The following NCALD variants were observed in gnomAD, a reference collection of about 807,000 sequenced individuals.
The protein encoded by NCALD is neurocalcin delta, also known as neurocalcin-delta.
In NCALD, 10 loss-of-function variants were observed where a neutral mutation model predicts 18.6. The observed-to-expected ratio is 0.54, with a 90% CI of 0.33 to 0.91. The LOEUF (loss-of-function observed/expected upper bound fraction) is 0.91, where lower values mean the gene tolerates loss of function less well. NCALD is among the 40% of genes least tolerant of loss of function. The probability of loss-of-function intolerance (pLI) is 0.03; values close to 1 mark genes in which losing one functional copy is unlikely to be tolerated. For synonymous variants in NCALD, 88 were observed against 87.4 expected, an observed-to-expected ratio of 1.01 and a Z score of -0.04; for missense variants, 184 against 247.6, an observed-to-expected ratio of 0.74 and a Z score of 1.72.
chr8:101,844,395 C>T (rs1814780721), intron 4 of NCALD, among the ~76,000 whole-genome samples: 1 of 149,910 alleles, frequency 6.7e-6, no homozygotes, highest in Non-Finnish European at 1.5e-5. Context: ...GGGTCTGGCT[C>T]TTTGATACAG....
intron 1 of NCALD, among the ~76,000 whole-genome samples, chr8:102,077,186 T>C (rs994278812): frequency 6.6e-6 from 1 of 152,166 alleles, no homozygotes; most frequent in Non-Finnish European, 1.5e-5. Flanking sequence ...TGGGATGCCT[T>C]AGCACTACTT....
chr8:101,886,521 G>A (rs1370275107), intron 4 of NCALD, among the ~76,000 whole-genome samples: 1 of 152,132 alleles, frequency 6.6e-6, no homozygotes, highest in African/African-American at 2.4e-5. Context: ...AAGTTTCCAA[G>A]AAATTCAGTA....
At chr8:101,766,881 G>A (rs1056988276) in intron 1 of NCALD, among the ~76,000 whole-genome samples, 8 of 152,056 alleles carry the variant, frequency 5.3e-5, no homozygotes, top group African/African-American at 1.2e-4. Flanking sequence ...GCCTGGCCCC[G>A]CAAAGAAGTT....
chr8:101,860,759 G>A (rs1815507653), intron 4 of NCALD, among the ~76,000 whole-genome samples: 1 of 152,108 alleles, frequency 6.6e-6, no homozygotes, highest in South Asian at 2.1e-4. Flanking sequence ...CGGAATGGGG[G>A]AATGAGAGGA....
At chr8:101,692,178 T>C in intron 3 of NCALD, 1 of 985,446 alleles carries the variant, frequency 1.0e-6, no homozygotes, top group African/African-American at 1.7e-5. Flanking sequence ...TGTTCTTAAG[T>C]TGGAAATGCA....
intron 2 of NCALD, among the ~76,000 whole-genome samples, chr8:101,925,917 A>T (rs528436065): frequency 1.1e-3 from 166 of 152,326 alleles, no homozygotes; most frequent in African/African-American, 3.8e-3. Flanking sequence ...AAGAAGCTGA[A>T]AAATCAGGCA....
At chr8:101,886,865 A>G (rs901125659) in intron 4 of NCALD, among the ~76,000 whole-genome samples, 10 of 152,162 alleles carry the variant, frequency 6.6e-5, no homozygotes, top group Admixed American at 5.9e-4. Flanking sequence ...GTTTTACTAA[A>G]TCTCTTGTAC....
At chr8:101,891,864 G>A (rs75929061) in intron 3 of NCALD, among the ~76,000 whole-genome samples, 13 of 152,164 alleles carry the variant, frequency 8.5e-5, no homozygotes, top group African/African-American at 2.9e-4. Flanking sequence ...AGGGTCCTAC[G>A]CCCACGGAAT....
rs139112520 is a variant in NCALD at position 101,875,444 on chromosome 8, G to A, written c.-20+11697C>T. ...ACCCTGTCCCTTTCATCACTTCATT[G>A]TCCTTTTTTCTAACCTCTCTGCTCG... On this transcript the variant is annotated intron_variant, in intron 4 of 6. Transcript: ENST00000311028. Among the ~76,000 whole-genome samples, 494 of 152,206 alleles carry A rather than the reference G, an allele frequency of 3.2e-3. 3 individuals are homozygous for A. Among genetic ancestry groups the A allele is most frequent in the African/African-American group, 0.01 (433 of 41,532 alleles).
intron 4 of NCALD, among the ~76,000 whole-genome samples, chr8:101,848,376 G>GA (rs1213832533): frequency 6.6e-6 from 1 of 151,976 alleles, no homozygotes; most frequent in Admixed American, 6.6e-5. Context: ...GAGAAAACTT[G>GA]AAAAAAGTTT....
intron 2 of NCALD, among the ~76,000 whole-genome samples, chr8:101,935,536 G>A (rs1176262133): frequency 1.3e-5 from 2 of 152,236 alleles, no homozygotes; most frequent in South Asian, 2.1e-4. Context: ...GGAGTAATCC[G>A]TGATGTCCAA....
intron 1 of NCALD, among the ~76,000 whole-genome samples, chr8:102,068,308 G>T (rs1322470583): frequency 6.6e-6 from 1 of 152,122 alleles, no homozygotes; most frequent in Non-Finnish European, 1.5e-5. Context: ...GGCCTACTCT[G>T]GGTGTCCTGG....
chr8:102,088,153 T>A lies in NCALD; in HGVS notation c.-210+36084A>T, dbSNP rs1259615764. Among the ~76,000 whole-genome samples the A allele has an allele frequency of 2.6e-5, 4 of 152,360 alleles. No homozygotes were observed. The East Asian group carries it at 7.7e-4, about 29-fold the overall frequency. On this transcript the variant is annotated intron_variant, in intron 1 of 6. Transcript: ENST00000311028. ...CTGCTTTCAAGATGGCCCAGGAAAC[T>A]GGTCAGTCATGTCCTTGGGAGCTTG... is the stretch of plus-strand genomic sequence containing the variant.
Position 101,728,639 on chromosome 8 carries a change from T to C in NCALD, c.-19-8991A>G, listed in dbSNP as rs971416490. Among the ~76,000 whole-genome samples, 6 of 152,102 alleles carry C rather than the reference T, an allele frequency of 3.9e-5. 1 individual carries two copies. The highest frequency in any genetic ancestry group is 1.4e-4 in the African/African-American group (6 of 41,428). On this transcript the variant is annotated intron_variant, in intron 1 of 3. Coordinates refer to ENST00000220931, the MANE Select transcript of NCALD (RefSeq NM_032041.3). ...ATCGAGACCATCCTGGCTAACACGGTGAAACCCCATCTCTACTAAAAATAC... is the reference window on the plus strand; with the variant it reads ...ATCGAGACCATCCTGGCTAACACGGCGAAACCCCATCTCTACTAAAAATAC...
At chr8:101,826,722 A>G (rs1813951773) in intron 4 of NCALD, among the ~76,000 whole-genome samples, 1 of 152,210 alleles carries the variant, frequency 6.6e-6, no homozygotes, top group Non-Finnish European at 1.5e-5. Context: ...TAAAAATGTT[A>G]TTTACCAAAT....
chr8:101,704,218 CA>C (rs1394742608), intron 2 of NCALD, among the ~76,000 whole-genome samples: 1 of 152,198 alleles, frequency 6.6e-6, no homozygotes, highest in Non-Finnish European at 1.5e-5. Flanking sequence ...CAGCACTCAA[CA>C]TGGTAAAATC....
intron 4 of NCALD, among the ~76,000 whole-genome samples, chr8:101,856,483 G>A (rs746811754): frequency 6.6e-6 from 1 of 151,904 alleles, no homozygotes; most frequent in Admixed American, 6.6e-5. Context: ...GAGCCACCAC[G>A]CCCAGCCTGA....
chr8:101,927,276 G>T (rs1586766730), intron 2 of NCALD, among the ~76,000 whole-genome samples: 1 of 152,172 alleles, frequency 6.6e-6, no homozygotes, highest in South Asian at 2.1e-4. Flanking sequence ...CACCAGGAGT[G>T]TCCCACCAAC....
intron 2 of NCALD, among the ~76,000 whole-genome samples, chr8:101,701,295 C>T (rs1815254459): frequency 6.6e-6 from 1 of 152,240 alleles, no homozygotes; most frequent in Non-Finnish European, 1.5e-5. Flanking sequence ...GTCCCCACCC[C>T]TTCTACATTT....
Sources: allele counts gnomAD v4.1 joint callset (sites outside exome capture counted in the v4.1 genomes callset), GRCh38; gene constraint gnomAD v4.1.1; transcripts MANE v1.5; gene names NCBI Gene and HGNC (gene_info 2026-07-23, HGNC 2026-07-21).